Variants in ZFX observed in about 807,000 individuals in gnomAD.
ZFX encodes the protein zinc finger X-chromosomal protein.
For synonymous variants in ZFX, 196 were observed against 226.8 expected, an observed-to-expected ratio of 0.86 and a Z score of 1.22; for missense variants, 362 against 628.3, an observed-to-expected ratio of 0.58 and a Z score of 4.53.
chrX:24,213,819 T>G lies in ZFX; in HGVS notation c.*2443T>G, dbSNP rs1041001267. On this transcript the variant is annotated 3_prime_UTR_variant, in exon 10 of 10. Coordinates refer to ENST00000304543, the MANE Select transcript of ZFX (RefSeq NM_003410.4). ...AATTTTTATTTTCCCAGAAATAATG[T>G]AAAAACACTTAAATGAAAGTGGAAA... is the stretch of plus-strand genomic sequence containing the variant. 1 of 110,650 alleles carries G rather than the reference T, an allele frequency of 9.0e-6. No homozygotes were observed. Among genetic ancestry groups the G allele is most frequent in the African/African-American group, 3.3e-5 (1 of 30,258 alleles). The allele number at this position is 110,650 out of a possible 1,213,427, so 9.1% of individuals were successfully genotyped here.
At chrX:24,191,490 T>G (rs778990896) in intron 5 of ZFX, among the ~76,000 whole-genome samples, 40 of 111,895 alleles carry the variant, frequency 3.6e-4, no homozygotes, top group African/African-American at 1.3e-3. Flanking sequence ...AGCATTTGCC[T>G]TCTTGACAGA....
intron 3 of ZFX, among the ~76,000 whole-genome samples, chrX:24,154,351 A>G (rs1932564350): frequency 9.0e-6 from 1 of 111,379 alleles, no homozygotes; most frequent in African/African-American, 3.3e-5. Context: ...CTGTCCCAAT[A>G]TGTATGTACC....
intron 5 of ZFX, among the ~76,000 whole-genome samples, chrX:24,205,960 T>G (rs1196624107): frequency 1.8e-5 from 2 of 111,925 alleles, no homozygotes; most frequent in African/African-American, 6.5e-5. Flanking sequence ...TTTAAATTTT[T>G]TTCCTCTTTT....
intron 5 of ZFX, among the ~76,000 whole-genome samples, chrX:24,205,591 A>T (rs1937541139): frequency 8.9e-6 from 1 of 112,409 alleles, no homozygotes; most frequent in South Asian, 3.6e-4. Context: ...GTGGTGGCTC[A>T]CGCCTATAAT....
intron 5 of ZFX, among the ~76,000 whole-genome samples, chrX:24,188,211 G>T (rs1439991649): frequency 1.8e-5 from 2 of 109,202 alleles, no homozygotes; most frequent in Non-Finnish European, 3.8e-5. Context: ...TGGTACGCTT[G>T]AGGGAGACAA....
intron 1 of ZFX, chrX:24,150,413 T>A (rs1233116730): frequency 8.9e-6 from 1 of 112,010 alleles, no homozygotes; most frequent in Non-Finnish European, 1.9e-5. Flanking sequence ...GCGTGCTCGC[T>A]CCCCGTGGCG....
intron 3 of ZFX, among the ~76,000 whole-genome samples, chrX:24,153,990 T>A (rs773731992): frequency 9.0e-6 from 1 of 111,054 alleles, no homozygotes; most frequent in South Asian, 3.7e-4. Flanking sequence ...CCACCCCTTA[T>A]CTGATTGGAA....
intron 5 of ZFX, among the ~76,000 whole-genome samples, chrX:24,199,720 C>T (rs1937162267): frequency 9.1e-6 from 1 of 110,070 alleles, no homozygotes; most frequent in African/African-American, 3.3e-5. Context: ...GAGTTCAAGA[C>T]CAGCCTGACC....
chrX:24,163,603 C>T lies in ZFX; in HGVS notation c.-28-9112C>T, dbSNP rs144931191. 9.3e-3 allele frequency among the ~76,000 whole-genome samples: 988 copies of T among 106,059 alleles called. 16 individuals carry two copies. Among genetic ancestry groups the T allele is most frequent in the African/African-American group, 0.031 (911 of 29,146 alleles). 92.1% of individuals were successfully genotyped at this position (106,059 alleles called of 115,157 possible). ...ATGTTGGCCAGGCTGGTCTCGAACT[C>T]CTGACCTCAGGTGATCCACCCACCT... is the stretch of plus-strand genomic sequence containing the variant. On this transcript the variant is annotated intron_variant, in intron 3 of 9. Transcript: ENST00000304543.
chrX:24,185,443 CATTTT>C (rs1221740463), intron 5 of ZFX, among the ~76,000 whole-genome samples: 2 of 111,539 alleles, frequency 1.8e-5, no homozygotes, highest in African/African-American at 3.3e-5. Context: ...CTTAATGATG[CATTTT>C]ATTTTAATTA....
chrX:24,207,174 A>AGTCAGTGAGCTGAGATCGCG, intron 5 of ZFX, 152 bp from the exon 6 acceptor site: 1 of 510,839 alleles, frequency 2.0e-6, no homozygotes, highest in Non-Finnish European at 3.1e-6. Context: ...CGGAGGTTGC[A>AGTCAGTGAGCTGAGATCGCG]GTCAGTGAGC....
intron 5 of ZFX, among the ~76,000 whole-genome samples, chrX:24,200,150 G>T (rs1243950677): frequency 9.0e-6 from 1 of 110,993 alleles, no homozygotes; most frequent in Non-Finnish European, 1.9e-5. Context: ...GATTAGATGT[G>T]CTAGCAAATC....
chrX:24,163,831 TAAAAAAAAGAAAAA>T (rs1334121137), intron 3 of ZFX, among the ~76,000 whole-genome samples: 5 of 65,309 alleles, frequency 7.7e-5, no homozygotes, highest in African/African-American at 2.6e-4. Context: ...CCCCCTCTTT[TAAAAAAAAGAAAAA>T]AAAAAAAAAA....
rs1231655422 is a variant in ZFX at position 24,179,604 on chromosome X, T to C, written c.480T>C (p.Ser160=). Reference sequence around the variant, plus strand: ...ATGTTGAACATGTGGTTCATGATAGTGTAGTGGAAGCAGAAATTGTCACTG... The same window carrying C: ...ATGTTGAACATGTGGTTCATGATAGCGTAGTGGAAGCAGAAATTGTCACTG... ...VGHVEHVVHD[S]VVEAEIVTDP... Residue 160 remains serine (S), a synonymous_variant, in exon 5 of 10, where the codon AGT becomes AGC. Coordinates refer to ENST00000304543, the MANE Select transcript of ZFX (RefSeq NM_003410.4). The C allele has an allele frequency of 8.3e-7, 1 of 1,211,760 alleles. No individual in the cohort carries two copies. The highest frequency in any genetic ancestry group is 1.1e-6 in the Non-Finnish European group (1 of 895,540).
In ZFX at chrX:24,212,446, C is replaced by T. The variant is rs150948701; in HGVS notation, c.*1070C>T. The T allele has an allele frequency of 2.7e-5, 3 of 112,412 alleles. No homozygotes were observed. The highest frequency in any genetic ancestry group is 9.7e-5 in the African/African-American group (3 of 30,925). 9.3% of individuals were successfully genotyped at this position (112,412 alleles called of 1,213,427 possible). A position where few individuals can be genotyped will look rare whatever the true frequency, so the allele number is the denominator to read the frequency against. On this transcript the variant is annotated 3_prime_UTR_variant, in exon 10 of 10. Coordinates refer to ENST00000304543, the MANE Select transcript of ZFX (RefSeq NM_003410.4). Reference sequence around the variant, plus strand: ...TGAAGAATTAGAAGGAAAATAAGGACACTAGTATTTTTAAAGAGTAAAGAT... The same window carrying T: ...TGAAGAATTAGAAGGAAAATAAGGATACTAGTATTTTTAAAGAGTAAAGAT...
chrX:24,162,448 A>T (rs778384517), intron 3 of ZFX, among the ~76,000 whole-genome samples: 2 of 112,181 alleles, frequency 1.8e-5, no homozygotes, highest in African/African-American at 6.5e-5. Context: ...TCAAGTAATA[A>T]TTATATCTTC....
At chrX:24,194,403 G>A (rs760523337) in intron 5 of ZFX, among the ~76,000 whole-genome samples, 3 of 110,910 alleles carry the variant, frequency 2.7e-5, no homozygotes, top group Non-Finnish European at 5.7e-5. Flanking sequence ...TTCTCCTCAT[G>A]TCCATGTGGG....
intron 5 of ZFX, among the ~76,000 whole-genome samples, chrX:24,193,884 G>T (rs1936712578): frequency 9.0e-6 from 1 of 111,563 alleles, no homozygotes; most frequent in African/African-American, 3.3e-5. Flanking sequence ...CATTTACACT[G>T]TTGAGCAACC....
chrX:24,170,934 T>G (rs1393750640), intron 3 of ZFX, among the ~76,000 whole-genome samples: 1 of 112,013 alleles, frequency 8.9e-6, no homozygotes, highest in Non-Finnish European at 1.9e-5. Context: ...TTTGAAACAG[T>G]TTGAATAAAT....
Sources: gnomAD v4.1 joint callset for allele counts (sites outside exome capture counted in the v4.1 genomes callset) on GRCh38, gnomAD v4.1.1 for gene constraint, MANE v1.5 for transcripts, NCBI Gene and HGNC (gene_info 2026-07-23, HGNC 2026-07-21) for gene names.